Variants in FRMD4A observed in about 807,000 individuals in gnomAD.
The protein encoded by FRMD4A is FERM domain containing 4A.
A neutral mutation model predicts 129.1 loss-of-function variants in FRMD4A; 29 were observed. The observed-to-expected ratio is 0.22, with a 90% CI of 0.17 to 0.31. The LOEUF is 0.31. FRMD4A is among the 10% of genes least tolerant of loss of function. FRMD4A has a pLI of 1.00. For missense variants in FRMD4A, 1,272 were observed against 1,375.8 expected (o/e 0.92, Z 1.19); for synonymous variants, 634 against 571.6 (o/e 1.11, Z -1.56).
chr10:14,098,431 T>C (rs1052318685), intron 2 of FRMD4A, among the ~76,000 whole-genome samples: 1 of 151,174 alleles, frequency 6.6e-6, no homozygotes, highest in African/African-American at 2.4e-5. Context: ...TGAAACAGAG[T>C]CTCGCTCTGT....
chr10:13,954,307 C>T (rs1370561821), intron 2 of FRMD4A, among the ~76,000 whole-genome samples: 1 of 152,216 alleles, frequency 6.6e-6, no homozygotes, highest in African/African-American at 2.4e-5. Flanking sequence ...CACGGTTTCA[C>T]ATGGCTGGGG....
At chr10:13,747,300 A>G (rs574925386) in intron 9 of FRMD4A, among the ~76,000 whole-genome samples, 228 of 152,120 alleles carry the variant, frequency 1.5e-3, no homozygotes, top group African/African-American at 5.3e-3. Flanking sequence ...TGGGAGGCCG[A>G]GGCAAGCGGA....
intron 2 of FRMD4A, among the ~76,000 whole-genome samples, chr10:14,172,617 A>G (rs1273857541): frequency 6.6e-6 from 1 of 152,254 alleles, no homozygotes; most frequent in East Asian, 1.9e-4. Flanking sequence ...AAACCTGGTC[A>G]AATGAACAGA....
At chr10:13,769,399 C>A (rs1050585338) in intron 6 of FRMD4A, among the ~76,000 whole-genome samples, 2 of 152,102 alleles carry the variant, frequency 1.3e-5, no homozygotes, top group Non-Finnish European at 2.9e-5. Context: ...ACCTCTGCCT[C>A]CTGGGTTCGA....
At position 13,804,511 on chromosome 10, in the gene FRMD4A, T is replaced by C. The variant is rs554227682; in HGVS notation, c.206+6303A>G. Among the ~76,000 whole-genome samples the C allele has an allele frequency of 1.1e-4, 15 of 142,186 alleles. No individual in the cohort carries two copies. In the South Asian group the frequency reaches 3.2e-3, roughly 31 times the overall value. 93.3% of individuals were successfully genotyped at this position (142,186 alleles called of 152,430 possible). On this transcript the variant is annotated intron_variant, in intron 4 of 24. Transcript: ENST00000357447. Reference sequence around the variant, plus strand: ...AGTGGTTCTAAAGATGCATCTTCAATGAGTCAGGACTTTTTCTTTCTTTCT... The same window carrying C: ...AGTGGTTCTAAAGATGCATCTTCAACGAGTCAGGACTTTTTCTTTCTTTCT...
At chr10:13,680,527 C>G (rs1331242725) in intron 15 of FRMD4A, among the ~76,000 whole-genome samples, 1 of 152,012 alleles carries the variant, frequency 6.6e-6, no homozygotes, top group Non-Finnish European at 1.5e-5. Flanking sequence ...GATTTTGAGA[C>G]CAGCCTGGCC....
intron 3 of FRMD4A, among the ~76,000 whole-genome samples, chr10:13,811,850 C>A (rs1168239618): frequency 6.6e-6 from 1 of 151,736 alleles, no homozygotes; most frequent in African/African-American, 2.4e-5. Context: ...AGCACACTCA[C>A]CAGATATTAG....
At position 13,666,334 on chromosome 10, in the gene FRMD4A, G is replaced by C. The variant is rs376111759; in HGVS notation, c.1375-9C>G. Reference sequence around the variant, plus strand: ...CGTTCCAGCTCAGCTTCCTGTGGGAGGGAAAGCACCGGTTTGGGTTACTGG... The same window carrying C: ...CGTTCCAGCTCAGCTTCCTGTGGGACGGAAAGCACCGGTTTGGGTTACTGG... On this transcript the variant is annotated splice_polypyrimidine_tract_variant and intron_variant, in intron 17 of 24. Transcript: ENST00000357447. 1.5e-5 allele frequency: 24 copies of C among 1,599,974 alleles called. No individual in the cohort carries two copies. Among genetic ancestry groups the C allele is most frequent in the Non-Finnish European group, 2.0e-5 (23 of 1,167,456 alleles).
intron 2 of FRMD4A, among the ~76,000 whole-genome samples, chr10:14,216,647 C>T (rs941593110): frequency 1.4e-4 from 22 of 152,128 alleles, no homozygotes; most frequent in Non-Finnish European, 2.2e-4. Flanking sequence ...CGCAGCCACC[C>T]GTTCGCCAGC....
At chr10:14,282,727 G>C (rs1487463759) in intron 2 of FRMD4A, among the ~76,000 whole-genome samples, 1 of 152,132 alleles carries the variant, frequency 6.6e-6, no homozygotes, top group Non-Finnish European at 1.5e-5. Context: ...GGTTTAATGA[G>C]AACACATCTA....
intron 9 of FRMD4A, among the ~76,000 whole-genome samples, chr10:13,741,618 T>C (rs2104492): frequency 0.63 from 95,671 of 152,048 alleles, 31,176 homozygotes; most frequent in East Asian, 0.95. Context: ...CCAGTCCTGT[T>C]CACACAGGGC....
intron 13 of FRMD4A, among the ~76,000 whole-genome samples, chr10:13,704,290 C>T (rs936413699): frequency 6.6e-6 from 1 of 152,160 alleles, no homozygotes; most frequent in Non-Finnish European, 1.5e-5. Flanking sequence ...GAAGTCATCC[C>T]GGGTCTCCAC....
chr10:13,890,846 G>A (rs1325343840), intron 2 of FRMD4A: 20 of 985,054 alleles, frequency 2.0e-5, no homozygotes, highest in Non-Finnish European at 2.2e-5. Flanking sequence ...AGAAGCCGTC[G>A]CCAGAGCTAT....
chr10:13,863,957 T>G (rs892376637), intron 2 of FRMD4A, among the ~76,000 whole-genome samples: 3 of 152,092 alleles, frequency 2.0e-5, no homozygotes, highest in African/African-American at 7.2e-5. Flanking sequence ...TAATAGAATT[T>G]AACGTTTGGC....
At chr10:14,098,844 C>A (rs2131771129) in intron 2 of FRMD4A, among the ~76,000 whole-genome samples, 1 of 152,314 alleles carries the variant, frequency 6.6e-6, no homozygotes. Flanking sequence ...GTCCTGCTTT[C>A]CTGGCACAGT....
rs566581410 is a variant in FRMD4A at position 14,323,053 on chromosome 10, T to C, written c.45+7005A>G. Among the ~76,000 whole-genome samples, 3 of 152,348 alleles carry C rather than the reference T, an allele frequency of 2.0e-5. No individual in the cohort carries two copies. In the South Asian group the frequency reaches 6.2e-4, roughly 32 times the overall value. ...GTTATTCAAGATAGGAATGCAAATT[T>C]AAATTTGCTCATAACTAGAATGGCT... On this transcript the variant is annotated intron_variant, in intron 2 of 24. Coordinates refer to ENST00000357447, the MANE Select transcript of FRMD4A (RefSeq NM_018027.5).
chr10:14,189,393 A>C (rs188676210), intron 2 of FRMD4A, among the ~76,000 whole-genome samples: 2 of 152,070 alleles, frequency 1.3e-5, no homozygotes, highest in African/African-American at 4.8e-5. Context: ...GACCAATATG[A>C]TGAAACCTGG....
chr10:13,735,593 A>G lies in FRMD4A; in HGVS notation c.759+2251T>C, dbSNP rs2090583549. Among the ~76,000 whole-genome samples the G allele has an allele frequency of 3.3e-5, 5 of 152,342 alleles. No homozygotes were observed. The South Asian group carries it at 1.0e-3, about 32-fold the overall frequency. ...CTTCATTAGAACCTCAATTAGAGGA[A>G]TAAAGAAAGCTTAAACATATTAATA... is the stretch of plus-strand genomic sequence containing the variant. On this transcript the variant is annotated intron_variant, in intron 12 of 24. Coordinates refer to ENST00000357447, the MANE Select transcript of FRMD4A (RefSeq NM_018027.5).
chr10:13,959,214 T>G (rs958079215), intron 2 of FRMD4A, among the ~76,000 whole-genome samples: 39 of 151,966 alleles, frequency 2.6e-4, no homozygotes, highest in African/African-American at 9.2e-4. Flanking sequence ...GGGTCACACC[T>G]TGTAATCTCA....
Sources: gnomAD v4.1 joint callset for allele counts (sites outside exome capture counted in the v4.1 genomes callset) on GRCh38, gnomAD v4.1.1 for gene constraint, MANE v1.5 for transcripts, NCBI Gene and HGNC (gene_info 2026-07-23, HGNC 2026-07-21) for gene names.